Variants in PPARGC1A observed in about 807,000 individuals in gnomAD.
PPARGC1A encodes the protein PPARG coactivator 1 alpha, also known as peroxisome proliferator-activated receptor gamma coactivator 1-alpha.
A neutral mutation model predicts 88.7 loss-of-function variants in PPARGC1A; 25 were observed. The ratio of observed to expected loss-of-function variants is 0.28; its 90% CI spans 0.21 to 0.39. The LOEUF is 0.39. PPARGC1A is among the 10% of genes least tolerant of loss of function. The probability of loss-of-function intolerance (pLI) is 1.00; values close to 1 mark genes in which losing one functional copy is unlikely to be tolerated. For missense variants in PPARGC1A, 880 were observed against 968.7 expected (o/e 0.91, Z 1.22); for synonymous variants, 363 against 355.6 (o/e 1.02, Z -0.24).
the PPARGC1A span, among the ~76,000 whole-genome samples, chr4:24,435,114 T>C: frequency 1.5e-4 from 23 of 152,238 alleles, no homozygotes; most frequent in African/African-American, 4.8e-4. Flanking sequence ...TTCACGCTGT[T>C]GGGCTTCTCC....
the PPARGC1A span, among the ~76,000 whole-genome samples, chr4:24,214,602 C>A: frequency 0.029 from 4,447 of 152,164 alleles, 235 homozygotes; most frequent in African/African-American, 0.1. Context: ...ACAAAGATTC[C>A]CAGAGTCCTC....
chr4:24,287,823 G>C, the PPARGC1A span, among the ~76,000 whole-genome samples: 33 of 152,168 alleles, frequency 2.2e-4, no homozygotes, highest in Middle Eastern at 3.4e-3. Flanking sequence ...TTTAATAAAG[G>C]TTATATGCTC....
chr4:24,087,101 A>G, the PPARGC1A span, among the ~76,000 whole-genome samples: 3 of 152,196 alleles, frequency 2.0e-5, no homozygotes, highest in East Asian at 1.9e-4. Context: ...AATTTTACAG[A>G]TGAGAAAGTA....
the PPARGC1A span, among the ~76,000 whole-genome samples, chr4:23,976,672 T>C: frequency 1.6e-4 from 24 of 152,136 alleles, no homozygotes; most frequent in African/African-American, 5.8e-4. Flanking sequence ...ATCCATAAGA[T>C]GAGAAAAAGA....
At chr4:24,362,760 A>T in the PPARGC1A span, among the ~76,000 whole-genome samples, 1 of 152,302 alleles carries the variant, frequency 6.6e-6, no homozygotes, top group East Asian at 1.9e-4. Context: ...TTCCCATTTC[A>T]CAAGAATCCC....
At chr4:24,027,196 A>AGTGTGTGTGCGTGTGT in the PPARGC1A span, among the ~76,000 whole-genome samples, 1 of 133,708 alleles carries the variant, frequency 7.5e-6, no homozygotes, top group Non-Finnish European at 1.6e-5. Flanking sequence ...ACCTCAGGCT[A>AGTGTGTGTGCGTGTGT]GTGTGTGTGT....
chr4:23,811,328 T>G (rs1044605411), intron 10 of PPARGC1A, among the ~76,000 whole-genome samples: 24 of 151,898 alleles, frequency 1.6e-4, no homozygotes, highest in Middle Eastern at 3.2e-3. Flanking sequence ...ACCTTTACAG[T>G]CAAAAATCAT....
At chr4:24,021,522 G>C in the PPARGC1A span, among the ~76,000 whole-genome samples, 1 of 149,566 alleles carries the variant, frequency 6.7e-6, no homozygotes, top group Non-Finnish European at 1.5e-5. Context: ...GTGGGGTAGG[G>C]AGGGTGAGAA....
intron 2 of PPARGC1A, among the ~76,000 whole-genome samples, chr4:23,863,501 A>G (rs1000042187): frequency 6.6e-6 from 1 of 152,050 alleles, no homozygotes; most frequent in Non-Finnish European, 1.5e-5. Context: ...ACTTGTATCT[A>G]CTTTCTCTGC....
chr4:24,386,319 T>C, the PPARGC1A span, among the ~76,000 whole-genome samples: 2 of 152,312 alleles, frequency 1.3e-5, no homozygotes, highest in African/African-American at 4.8e-5. Context: ...GCATTCTCTT[T>C]GAAAACCGGC....
the PPARGC1A span, among the ~76,000 whole-genome samples, chr4:24,435,486 G>T: frequency 1.3e-5 from 2 of 152,064 alleles, no homozygotes; most frequent in Non-Finnish European, 2.9e-5. Context: ...CCTAGATCAT[G>T]GCTCCCTGGA....
At chr4:24,259,139 G>A in the PPARGC1A span, among the ~76,000 whole-genome samples, 53 of 152,240 alleles carry the variant, frequency 3.5e-4, no homozygotes, top group African/African-American at 1.2e-3. Flanking sequence ...GATGAGTTTG[G>A]GTTCTGTGTA....
chr4:23,925,037 G>A, the PPARGC1A span, among the ~76,000 whole-genome samples: 1 of 152,198 alleles, frequency 6.6e-6, no homozygotes, highest in African/African-American at 2.4e-5. Flanking sequence ...AAACCTTCAA[G>A]TGTCCTCAGA....
the PPARGC1A span, among the ~76,000 whole-genome samples, chr4:24,441,380 C>T: frequency 6.6e-6 from 1 of 152,186 alleles, no homozygotes; most frequent in African/African-American, 2.4e-5. Context: ...CCCTTGTGCC[C>T]GTGGGGTGCT....
the PPARGC1A span, among the ~76,000 whole-genome samples, chr4:23,989,186 G>T: frequency 2.0e-5 from 3 of 151,764 alleles, no homozygotes; most frequent in African/African-American, 4.8e-5. Flanking sequence ...TAAACTTTCA[G>T]ATGACTGGCT....
At chr4:24,192,568 T>G in the PPARGC1A span, among the ~76,000 whole-genome samples, 1 of 152,174 alleles carries the variant, frequency 6.6e-6, no homozygotes, top group Non-Finnish European at 1.5e-5. Flanking sequence ...AGGACAGCAT[T>G]GTAAGTCTGC....
At chr4:24,010,864 G>C in the PPARGC1A span, among the ~76,000 whole-genome samples, 3 of 152,090 alleles carry the variant, frequency 2.0e-5, no homozygotes, top group African/African-American at 7.2e-5. Context: ...GGTTGGGGAA[G>C]GGTCTCCAAA....
chr4:23,796,055 A>C lies in PPARGC1A; in HGVS notation c.2294-130T>G. 3 of 700,114 alleles carry C rather than the reference A, an allele frequency of 4.3e-6. No individual in the cohort carries two copies. In the South Asian group the frequency reaches 4.9e-5, roughly 11 times the overall value. The allele number at this position is 700,114 out of a possible 1,614,324, so 43.4% of individuals were successfully genotyped here. A position where few individuals can be genotyped will look rare whatever the true frequency, so the allele number is the denominator to read the frequency against. On this transcript the variant is annotated intron_variant, in intron 12 of 12. Coordinates refer to ENST00000264867, the MANE Select transcript of PPARGC1A (RefSeq NM_013261.5). ...ATATACTTTAGAAAACAATAGTCAGATTTTATTGGATATATATGGATATAT... is the reference window on the plus strand; with the variant it reads ...ATATACTTTAGAAAACAATAGTCAGCTTTTATTGGATATATATGGATATAT...
chr4:24,287,556 C>G, the PPARGC1A span, among the ~76,000 whole-genome samples: 21 of 151,394 alleles, frequency 1.4e-4, no homozygotes, highest in East Asian at 3.9e-3. Context: ...CCATTCTTAC[C>G]AAGAAAGTGG....
Sources: gnomAD v4.1 joint callset for allele counts (sites outside exome capture counted in the v4.1 genomes callset) on GRCh38, gnomAD v4.1.1 for gene constraint, MANE v1.5 for transcripts, NCBI Gene and HGNC (gene_info 2026-07-23, HGNC 2026-07-21) for gene names.